The following MAPKAP1 variants were observed in gnomAD, a reference collection of about 807,000 sequenced individuals.
MAPKAP1 encodes the protein target of rapamycin complex 2 subunit MAPKAP1.
A neutral mutation model predicts 65.7 loss-of-function variants in MAPKAP1; 20 were observed. The observed-to-expected ratio is 0.30, with a 90% CI of 0.21 to 0.44. The LOEUF (loss-of-function observed/expected upper bound fraction) is 0.44. Ranked by LOEUF, MAPKAP1 falls within the 20% of genes least tolerant of loss-of-function variation. The pLI, the probability that MAPKAP1 is intolerant of heterozygous loss-of-function variation, is 1.00. For synonymous variants in MAPKAP1, 222 were observed against 244.3 expected (o/e 0.91, Z 0.85); for missense variants, 423 against 648.0 (o/e 0.65, Z 3.77).
At chr9:125,623,997 C>T (rs2131664980) in intron 4 of MAPKAP1, among the ~76,000 whole-genome samples, 3 of 40,818 alleles carry the variant, frequency 7.3e-5, no homozygotes, top group African/African-American at 1.7e-4. Flanking sequence ...GGGTCAGCCC[C>T]CCGCCTGGCC....
intron 1 of MAPKAP1, among the ~76,000 whole-genome samples, chr9:125,674,668 G>A (rs927859931): frequency 6.6e-6 from 1 of 152,136 alleles, no homozygotes; most frequent in Admixed American, 6.5e-5. Flanking sequence ...GTCTTAAAGT[G>A]GGTCTTAAAA....
chr9:125,573,749 A>C (rs1177958999), intron 5 of MAPKAP1, among the ~76,000 whole-genome samples: 1 of 152,192 alleles, frequency 6.6e-6, no homozygotes, highest in Admixed American at 6.5e-5. Context: ...TCCAGCAATA[A>C]GGTGGCTGCC....
chr9:125,567,802 T>TG (rs1170916494), intron 5 of MAPKAP1: 4 of 152,186 alleles, frequency 2.6e-5, no homozygotes, highest in African/African-American at 9.7e-5. Context: ...GGGTAAATGT[T>TG]GGGGTCCTGT....
At chr9:125,670,880 C>T (rs776166631) in intron 2 of MAPKAP1, among the ~76,000 whole-genome samples, 5 of 152,136 alleles carry the variant, frequency 3.3e-5, no homozygotes, top group African/African-American at 7.2e-5. Context: ...TCTCTTTTTC[C>T]GCCTCTTTCA....
chr9:125,652,791 A>G (rs2131740921), intron 4 of MAPKAP1, among the ~76,000 whole-genome samples: 1 of 152,340 alleles, frequency 6.6e-6, no homozygotes, highest in African/African-American at 2.4e-5. Context: ...CAAAGGAAGT[A>G]ATTACTTGTC....
chr9:125,638,121 T>C (rs1286783118), intron 4 of MAPKAP1, among the ~76,000 whole-genome samples: 1 of 152,038 alleles, frequency 6.6e-6, no homozygotes, highest in African/African-American at 2.4e-5. Context: ...AGAATTAAAA[T>C]TGGAAAGTGT....
rs1835795309 is a variant in MAPKAP1, at chr9:125,707,200, G to T, written c.-299C>A. 5.0e-6 allele frequency: 2 copies of T among 397,720 alleles called. No individual in the cohort carries two copies. The highest frequency in any genetic ancestry group is 4.4e-6 in the Non-Finnish European group (1 of 225,576). 24.6% of individuals were successfully genotyped at this position (397,720 alleles called of 1,614,324 possible). A position where few individuals can be genotyped will look rare whatever the true frequency, so the allele number is the denominator to read the frequency against. On this transcript the variant is annotated 5_prime_UTR_variant, in exon 1 of 12. Transcript: ENST00000265960. ...AGCAGCAGCCCTATTACCCCGAGCC[G>T]CACACGACCCGGAACCACACCCCGG...
chr9:125,518,329 C>A (rs1369863252), intron 7 of MAPKAP1, among the ~76,000 whole-genome samples: 1 of 151,596 alleles, frequency 6.6e-6, no homozygotes, highest in African/African-American at 2.4e-5. Flanking sequence ...CATCTGTAAT[C>A]CCATACTACA....
At chr9:125,656,716 C>T (rs1187285169) in intron 4 of MAPKAP1, among the ~76,000 whole-genome samples, 4 of 152,052 alleles carry the variant, frequency 2.6e-5, no homozygotes, top group South Asian at 2.1e-4. Context: ...CACAATACCT[C>T]CAGGCAAAGA....
At chr9:125,567,398 A>C (rs750636390) in intron 5 of MAPKAP1, among the ~76,000 whole-genome samples, 27 of 152,246 alleles carry the variant, frequency 1.8e-4, no homozygotes, top group Non-Finnish European at 3.2e-4. Flanking sequence ...AATGGCAACA[A>C]GAGCGACCTC....
intron 6 of MAPKAP1, among the ~76,000 whole-genome samples, chr9:125,551,642 G>A (rs1360607692): frequency 6.6e-6 from 1 of 151,282 alleles, no homozygotes; most frequent in Non-Finnish European, 1.5e-5. Context: ...CATTTTATTG[G>A]CCTTGACTTT....
intron 1 of MAPKAP1, among the ~76,000 whole-genome samples, chr9:125,680,828 A>G (rs1434267003): frequency 6.6e-6 from 1 of 152,210 alleles, no homozygotes. Flanking sequence ...TAAACCCACC[A>G]CCAAATGAGA....
At chr9:125,552,914 A>C (rs1315091689) in intron 6 of MAPKAP1, among the ~76,000 whole-genome samples, 2 of 152,164 alleles carry the variant, frequency 1.3e-5, no homozygotes, top group African/African-American at 4.8e-5. Context: ...TAAATTAAAA[A>C]CAATTTTGAT....
chr9:125,511,160 AT>A (rs1829287592), intron 7 of MAPKAP1, among the ~76,000 whole-genome samples: 2 of 128,626 alleles, frequency 1.6e-5, no homozygotes, highest in Non-Finnish European at 3.3e-5. Flanking sequence ...AGCTATCATC[AT>A]CACCATCATC....
intron 10 of MAPKAP1, among the ~76,000 whole-genome samples, chr9:125,448,938 G>A (rs965024825): frequency 1.3e-5 from 2 of 150,184 alleles, no homozygotes; most frequent in African/African-American, 4.9e-5. Flanking sequence ...CCAGGAGGCG[G>A]AGGTTGCAGT....
At chr9:125,542,533 G>C (rs1275534739) in intron 7 of MAPKAP1, among the ~76,000 whole-genome samples, 3 of 151,920 alleles carry the variant, frequency 2.0e-5, no homozygotes, top group African/African-American at 7.3e-5. Flanking sequence ...TCTATATAAA[G>C]TTGGGTAATG....
chr9:125,671,974 G>A (rs542303931), intron 2 of MAPKAP1, among the ~76,000 whole-genome samples: 2 of 152,128 alleles, frequency 1.3e-5, no homozygotes, highest in Non-Finnish European at 2.9e-5. Flanking sequence ...CTGTCTCCGG[G>A]TAGTCTACCT....
chr9:125,653,303 C>T (rs1046902246), intron 4 of MAPKAP1, among the ~76,000 whole-genome samples: 1 of 152,058 alleles, frequency 6.6e-6, no homozygotes, highest in Non-Finnish European at 1.5e-5. Context: ...CATAAGAAAA[C>T]GAAGACCCAA....
At chr9:125,492,221 A>C (rs1169492375) in intron 8 of MAPKAP1, among the ~76,000 whole-genome samples, 1 of 152,152 alleles carries the variant, frequency 6.6e-6, no homozygotes. Flanking sequence ...AAAATAACAA[A>C]ACAAAACAAA....
Sources: allele counts gnomAD v4.1 joint callset (sites outside exome capture counted in the v4.1 genomes callset), GRCh38; gene constraint gnomAD v4.1.1; transcripts MANE v1.5; gene names NCBI Gene and HGNC (gene_info 2026-07-23, HGNC 2026-07-21).